Variants in NR2F1-AS1 observed in about 807,000 individuals in gnomAD.
The protein encoded by NR2F1-AS1 is NR2F1 regulatory antisense RNA 1, also known as NR2F1 antisense RNA 1.
chr5:93,495,674 C>T (rs368688332), intron 4 of NR2F1-AS1, among the ~76,000 whole-genome samples: 9 of 152,046 alleles, frequency 5.9e-5, no homozygotes, highest in Middle Eastern at 3.4e-3. Flanking sequence ...AACATAAATA[C>T]ATGTACTTTA....
At chr5:93,546,252 CAGA>C (rs1274517215) in intron 4 of NR2F1-AS1, among the ~76,000 whole-genome samples, 1 of 152,086 alleles carries the variant, frequency 6.6e-6, no homozygotes, top group Non-Finnish European at 1.5e-5. Flanking sequence ...TAAACTGACA[CAGA>C]AGGAGAGGAG....
chr5:93,472,526 CAA>C (rs1269471245), intron 4 of NR2F1-AS1, among the ~76,000 whole-genome samples: 1 of 151,612 alleles, frequency 6.6e-6, no homozygotes, highest in Non-Finnish European at 1.5e-5. Flanking sequence ...TACTCTCACT[CAA>C]GATATAAAAA....
At chr5:93,496,911 G>C (rs1266454592) in intron 4 of NR2F1-AS1, among the ~76,000 whole-genome samples, 1 of 152,156 alleles carries the variant, frequency 6.6e-6, no homozygotes, top group Non-Finnish European at 1.5e-5. Flanking sequence ...GTTTGCTTTA[G>C]CCTCCTTTTT....
At chr5:93,574,402 G>T (rs1561513582) in intron 1 of NR2F1-AS1, among the ~76,000 whole-genome samples, 1 of 152,128 alleles carries the variant, frequency 6.6e-6, no homozygotes, top group Non-Finnish European at 1.5e-5. Flanking sequence ...ATTAGAAATT[G>T]TCACCACAGA....
At chr5:93,567,226 C>CT (rs896792863) in intron 1 of NR2F1-AS1, among the ~76,000 whole-genome samples, 8 of 151,218 alleles carry the variant, frequency 5.3e-5, no homozygotes, top group African/African-American at 1.5e-4. Flanking sequence ...TAGACAACAC[C>CT]TTTTTTTTTC....
chr5:93,452,173 TA>T (rs1749844991), intron 4 of NR2F1-AS1, among the ~76,000 whole-genome samples: 1 of 151,672 alleles, frequency 6.6e-6, no homozygotes, highest in Non-Finnish European at 1.5e-5. Flanking sequence ...TTAGCAGAAG[TA>T]CAAAAAAAAA....
chr5:93,563,116 G>T (rs1561505227), intron 2 of NR2F1-AS1, among the ~76,000 whole-genome samples: 2 of 152,192 alleles, frequency 1.3e-5, no homozygotes, highest in African/African-American at 2.4e-5. Flanking sequence ...AAGTCATTAA[G>T]AACTGAGTAG....
chr5:93,440,218 T>TCACA (rs1308034701), intron 4 of NR2F1-AS1, among the ~76,000 whole-genome samples: 1,640 of 149,030 alleles, frequency 0.011, 33 homozygotes, highest in African/African-American at 0.038. Context: ...TCTCTCTCTC[T>TCACA]CACACACACA....
At chr5:93,433,701 T>C (rs1483286540) in intron 4 of NR2F1-AS1, among the ~76,000 whole-genome samples, 1 of 152,238 alleles carries the variant, frequency 6.6e-6, no homozygotes, top group African/African-American at 2.4e-5. Flanking sequence ...TGCTTTTGAC[T>C]GCTTCCTTGT....
At chr5:93,540,978 G>A (rs1751938713) in intron 4 of NR2F1-AS1, among the ~76,000 whole-genome samples, 1 of 152,148 alleles carries the variant, frequency 6.6e-6, no homozygotes, top group Non-Finnish European at 1.5e-5. Context: ...AAAAATTAAT[G>A]CTTCAAAACA....
At chr5:93,571,189 C>T (rs1752758099) in intron 1 of NR2F1-AS1, 1 of 151,868 alleles carries the variant, frequency 6.6e-6, no homozygotes, top group Non-Finnish European at 1.5e-5. Context: ...GGCCTGGGGC[C>T]TTCAGGAAAG....
At chr5:93,476,202 T>C (rs1275100757) in intron 4 of NR2F1-AS1, among the ~76,000 whole-genome samples, 1 of 152,196 alleles carries the variant, frequency 6.6e-6, no homozygotes, top group Non-Finnish European at 1.5e-5. Flanking sequence ...ATGCATGTCA[T>C]AAATTTTGTA....
chr5:93,504,994 ATC>A (rs1272364559), intron 4 of NR2F1-AS1, among the ~76,000 whole-genome samples: 3 of 152,196 alleles, frequency 2.0e-5, no homozygotes, highest in Non-Finnish European at 2.9e-5. Flanking sequence ...CGAAAGTCTC[ATC>A]TGAGACCAGG....
At chr5:93,492,696 A>C (rs1750877142) in intron 4 of NR2F1-AS1, among the ~76,000 whole-genome samples, 1 of 152,158 alleles carries the variant, frequency 6.6e-6, no homozygotes, top group African/African-American at 2.4e-5. Context: ...CCACGACCAA[A>C]TGAAGTGTAA....
rs147275770 is a variant in NR2F1-AS1, at chr5:93,466,109, C to T, written n.639-70567G>A. 1.5e-3 allele frequency among the ~76,000 whole-genome samples: 234 copies of T among 152,058 alleles called. 1 individual carries two copies. The highest frequency in any genetic ancestry group is 5.3e-3 in the African/African-American group (218 of 41,480). On this transcript the variant is annotated intron_variant and non_coding_transcript_variant, in intron 4 of 5. Transcript: ENST00000660523. ...AAAGATTGTTACTAGCTAGAGGAAG[C>T]TAGGAGGGATGGAAGCAAAAGAGAG...
rs545770301 is a variant in NR2F1-AS1, at chr5:93,503,888, T to C, written n.638+49873A>G. Among the ~76,000 whole-genome samples, 9 of 146,144 alleles carry C rather than the reference T, an allele frequency of 6.2e-5. No homozygotes were observed. The South Asian group carries it at 1.9e-3, about 31-fold the overall frequency. ...TTTACTGGTATTGCTTTGTATCCTT[T>C]GCTATAATAAATCACACATGAGCAT... On this transcript the variant is annotated intron_variant and non_coding_transcript_variant, in intron 4 of 5. Coordinates refer to ENST00000660523, the Ensembl canonical transcript of NR2F1-AS1.
intron 4 of NR2F1-AS1, among the ~76,000 whole-genome samples, chr5:93,490,164 T>C (rs571117873): frequency 1.4e-5 from 2 of 145,854 alleles, no homozygotes; most frequent in South Asian, 4.1e-4. Flanking sequence ...TCTAGCTTGT[T>C]AGTTACAGAA....
intron 4 of NR2F1-AS1, among the ~76,000 whole-genome samples, chr5:93,455,492 T>C (rs1015205940): frequency 5.3e-5 from 8 of 151,942 alleles, no homozygotes; most frequent in South Asian, 2.1e-4. Flanking sequence ...AACTCAACCA[T>C]ACCAATAACA....
At chr5:93,447,969 T>C (rs920876566) in intron 4 of NR2F1-AS1, among the ~76,000 whole-genome samples, 1 of 152,114 alleles carries the variant, frequency 6.6e-6, no homozygotes, top group Non-Finnish European at 1.5e-5. Context: ...AAACACCATA[T>C]GTTCTCACTC....
Sources: gnomAD v4.1 joint callset for allele counts (sites outside exome capture counted in the v4.1 genomes callset) on GRCh38, gnomAD v4.1.1 for gene constraint, MANE v1.5 for transcripts, NCBI Gene and HGNC (gene_info 2026-07-23, HGNC 2026-07-21) for gene names.